ANTXR2: variants seen among roughly 807,000 people sequenced by gnomAD.
The protein encoded by ANTXR2 is ANTXR cell adhesion molecule 2.
Under a neutral mutation model 73.7 loss-of-function variants are expected in ANTXR2, and 44 were observed. The observed-to-expected ratio is 0.60, with a 90% confidence interval of 0.47 to 0.77. ANTXR2 has a LOEUF of 0.77. Among genes scored for constraint, ANTXR2 ranks in the 30% least tolerant of loss-of-function variants. ANTXR2 has a pLI of 0.00. For synonymous variants in ANTXR2, 217 were observed against 205.9 expected (o/e 1.05, Z -0.46); for missense variants, 604 against 592.5 (o/e 1.02, Z -0.20).
At chr4:80,070,137 G>A (rs1262766364) in intron 2 of ANTXR2, among the ~76,000 whole-genome samples, 1 of 152,136 alleles carries the variant, frequency 6.6e-6, no homozygotes, top group Non-Finnish European at 1.5e-5. Context: ...TTGCTTCTCG[G>A]ACACTCTCTG....
chr4:79,948,452 A>G (rs1485157811), intron 16 of ANTXR2, among the ~76,000 whole-genome samples: 1 of 152,186 alleles, frequency 6.6e-6, no homozygotes, highest in Non-Finnish European at 1.5e-5. Context: ...TAAAGTGTCA[A>G]ATTAAGATAC....
At chr4:80,072,293 C>T in intron 1 of ANTXR2, 116 bp downstream of exon 1, 3 of 1,190,882 alleles carry the variant, frequency 2.5e-6, no homozygotes, top group Non-Finnish European at 3.4e-6. Flanking sequence ...AACAGGGCAC[C>T]CCTCCGCGGG....
intron 11 of ANTXR2, among the ~76,000 whole-genome samples, chr4:80,014,120 C>T (rs770270677): frequency 4.6e-5 from 7 of 152,120 alleles, no homozygotes; most frequent in Admixed American, 1.3e-4. Context: ...GGTCTTCCCA[C>T]GTCTTAAGCA....
At chr4:79,996,325 G>GGATGGATA (rs1730726261) in intron 12 of ANTXR2, among the ~76,000 whole-genome samples, 1 of 151,042 alleles carries the variant, frequency 6.6e-6, no homozygotes, top group Non-Finnish European at 1.5e-5. Flanking sequence ...ATATATGGAT[G>GGATGGATA]GATGGATGGA....
At chr4:79,964,483 T>C (rs1729272129) in intron 16 of ANTXR2, among the ~76,000 whole-genome samples, 1 of 152,182 alleles carries the variant, frequency 6.6e-6, no homozygotes, top group African/African-American at 2.4e-5. Flanking sequence ...GAGACTTCGA[T>C]CTGTACCTGC....
chr4:80,061,969 T>C (rs1048782097), intron 3 of ANTXR2, among the ~76,000 whole-genome samples: 13 of 152,202 alleles, frequency 8.5e-5, no homozygotes, highest in African/African-American at 3.1e-4. Flanking sequence ...GTTCCTCAAT[T>C]TAAAAATTGT....
Position 79,993,782 on chromosome 4 carries a change from A to ACACACACACACACACACACG in ANTXR2, c.1042-8920_1042-8919insCGTGTGTGTGTGTGTGTGTG, listed in dbSNP as rs755550984. Among the ~76,000 whole-genome samples the ACACACACACACACACACACG allele has an allele frequency of 5.1e-4, 78 of 151,520 alleles. 1 individual carries two copies. Among genetic ancestry groups the ACACACACACACACACACACG allele is most frequent in the Non-Finnish European group, 7.2e-4 (49 of 67,748 alleles). The stretch of plus-strand genomic sequence containing the variant: ...CACGCACACACACACACACACACAC[A>ACACACACACACACACACACG]CATGCACTTTTTCTTTCAGAGGAGA... On this transcript the variant is annotated intron_variant, in intron 12 of 16. Coordinates refer to ENST00000403729, the MANE Select transcript of ANTXR2 (RefSeq NM_058172.6).
At chr4:79,977,833 T>C (rs1043239075) in intron 15 of ANTXR2, 132 bp from the exon 16 acceptor site, 55 of 1,232,116 alleles carry the variant, frequency 4.5e-5, no homozygotes, top group Admixed American at 2.0e-4. Context: ...AACTAATAAG[T>C]AATAAAAACC....
In ANTXR2 at chr4:80,036,028, A is replaced by G. The variant is rs1560415534; in HGVS notation, c.641T>C (p.Leu214Pro). 6.6e-7 allele frequency: 1 copy of G among 1,508,004 alleles called. No homozygotes were observed. The highest frequency in any genetic ancestry group is 1.3e-5 in the South Asian group (1 of 75,648). 93.4% of individuals were successfully genotyped at this position (1,508,004 alleles called of 1,614,324 possible). A position where few individuals can be genotyped will look rare whatever the true frequency, so the allele number is the denominator to read the frequency against. ...TAGGATTTCAGTACATGACTGAGCT[A>G]GTATCTAAAAAAGAAAAAAAAAAAA... ...QALKGIINSI[L>P]AQSCTEILEL... Residue 214 changes from leucine (L) to proline (P), a missense_variant, in exon 8 of 17, where the codon CTA becomes CCA. Leu to Pro is a moderately conservative substitution (Grantham distance 98, BLOSUM62 -3). Transcript: ENST00000403729.
chr4:80,052,117 T>C (rs1578187027), intron 7 of ANTXR2, among the ~76,000 whole-genome samples: 1 of 151,678 alleles, frequency 6.6e-6, no homozygotes, highest in Non-Finnish European at 1.5e-5. Flanking sequence ...AGACTTAAAA[T>C]TTTTTATTTC....
At chr4:80,029,504 C>T (rs984055182) in intron 10 of ANTXR2, among the ~76,000 whole-genome samples, 2 of 151,808 alleles carry the variant, frequency 1.3e-5, no homozygotes, top group Non-Finnish European at 2.9e-5. Context: ...TCCTTTTATC[C>T]ACCAAACATT....
At chr4:79,993,760 G>GCGCGCACACA (rs71662888) in intron 12 of ANTXR2, among the ~76,000 whole-genome samples, 3 of 140,658 alleles carry the variant, frequency 2.1e-5, no homozygotes, top group Non-Finnish European at 4.8e-5. Flanking sequence ...ACACACACAC[G>GCGCGCACACA]CACACACACA....
rs761426818 is a variant in ANTXR2 at position 80,072,543 on chromosome 4, G to T, written c.18C>A (p.Ser6=). Residue 6 remains serine, a synonymous_variant, in exon 1 of 17, where the codon TCC becomes TCA. Transcript: ENST00000403729. ...GCCAGCTCCCGGGGCTGCGGGCCGG[G>T]GACCGCTCCGCCACCATCCTGCGGC... MVAER[S]PARSPGSWLF... is the part of the protein sequence containing the mutation. 3 of 1,579,710 alleles carry T rather than the reference G, an allele frequency of 1.9e-6. No individual in the cohort carries two copies. The highest frequency in any genetic ancestry group is 2.6e-6 in the Non-Finnish European group (3 of 1,164,498).
chr4:80,060,397 T>C (rs1450230877), intron 3 of ANTXR2, among the ~76,000 whole-genome samples: 1 of 151,866 alleles, frequency 6.6e-6, no homozygotes, highest in East Asian at 1.9e-4. Context: ...TAAAACTTTC[T>C]TGTGTTATTG....
chr4:79,918,835 G>T lies in ANTXR2; in HGVS notation c.1429-11368C>A, dbSNP rs947414616. The stretch of plus-strand genomic sequence containing the variant: ...ATTTTTATGACACTATTACTTAAAG[G>T]AATAAATAATAACATATTGAATTCA... On this transcript the variant is annotated intron_variant, in intron 16 of 16. Transcript: ENST00000403729. Among the ~76,000 whole-genome samples the T allele has an allele frequency of 2.0e-5, 3 of 151,818 alleles. No homozygotes were observed. In the East Asian group the frequency reaches 5.8e-4, roughly 29 times the overall value.
intron 16 of ANTXR2, among the ~76,000 whole-genome samples, chr4:79,927,308 A>ACACACACACG (rs1164517649): frequency 1.3e-5 from 2 of 151,534 alleles, no homozygotes; most frequent in African/African-American, 2.4e-5. Flanking sequence ...ACACACACAC[A>ACACACACACG]CACGCACTCA....
intron 10 of ANTXR2, among the ~76,000 whole-genome samples, chr4:80,030,719 T>C (rs1229083039): frequency 2.0e-5 from 3 of 152,086 alleles, no homozygotes; most frequent in African/African-American, 7.2e-5. Context: ...TTAAAAATGC[T>C]AGAATGATTT....
chr4:80,005,843 TG>T (rs1731276375), intron 12 of ANTXR2, among the ~76,000 whole-genome samples: 1 of 152,148 alleles, frequency 6.6e-6, no homozygotes, highest in South Asian at 2.1e-4. Context: ...GTAATTAGAC[TG>T]ATCGAATCTC....
At chr4:80,055,547 A>C in intron 4 of ANTXR2, 80 bp from the exon 5 acceptor site, 2 of 1,212,564 alleles carry the variant, frequency 1.6e-6, no homozygotes. Flanking sequence ...TGAATTTGTA[A>C]GTCTGACAAA....
Sources: allele counts gnomAD v4.1 joint callset (sites outside exome capture counted in the v4.1 genomes callset), GRCh38; gene constraint gnomAD v4.1.1; transcripts MANE v1.5; gene names NCBI Gene and HGNC (gene_info 2026-07-23, HGNC 2026-07-21).